FRMD4A: variants seen among roughly 807,000 people sequenced by gnomAD.
The protein encoded by FRMD4A is FERM domain containing 4A, also known as FERM domain-containing protein 4A.
FRMD4A carries 29 observed loss-of-function variants against 129.1 expected under a neutral mutation model. The ratio of observed to expected loss-of-function variants is 0.22; its 90% CI spans 0.17 to 0.31. FRMD4A has a LOEUF of 0.31. Ranked by LOEUF, FRMD4A falls within the 10% of genes least tolerant of loss-of-function variation. The probability of loss-of-function intolerance (pLI) is 1.00; values close to 1 mark genes in which losing one functional copy is unlikely to be tolerated. For synonymous variants in FRMD4A, 634 were observed against 571.6 expected (o/e 1.11, Z -1.56); for missense variants, 1,272 against 1,375.8 (o/e 0.92, Z 1.19).
At chr10:13,918,496 C>G (rs1191668798) in intron 2 of FRMD4A, among the ~76,000 whole-genome samples, 3 of 152,094 alleles carry the variant, frequency 2.0e-5, no homozygotes, top group Middle Eastern at 3.2e-3. Flanking sequence ...AAGCTCTAGG[C>G]TCTGCTACAT....
At chr10:14,024,027 G>A (rs994522783) in intron 2 of FRMD4A, among the ~76,000 whole-genome samples, 1 of 152,170 alleles carries the variant, frequency 6.6e-6, no homozygotes, top group Non-Finnish European at 1.5e-5. Flanking sequence ...GGTTCATTCA[G>A]GGAATAGCTA....
At chr10:13,891,335 A>G (rs1013032826) in intron 2 of FRMD4A, among the ~76,000 whole-genome samples, 1 of 152,156 alleles carries the variant, frequency 6.6e-6, no homozygotes, top group Non-Finnish European at 1.5e-5. Context: ...GCCTAAAGCC[A>G]TGTCCTTTCC....
At chr10:14,030,810 C>T (rs1833202337) in intron 2 of FRMD4A, among the ~76,000 whole-genome samples, 1 of 151,410 alleles carries the variant, frequency 6.6e-6, no homozygotes, top group African/African-American at 2.4e-5. Context: ...CACAACCAAC[C>T]TTGTCTTTCC....
chr10:14,326,814 T>C (rs1487339005), intron 2 of FRMD4A: 1 of 398,514 alleles, frequency 2.5e-6, no homozygotes, highest in Non-Finnish European at 4.4e-6. Context: ...GTCACATCAA[T>C]CTGAAGCCTC....
chr10:14,185,372 C>A (rs1842056069), intron 2 of FRMD4A, among the ~76,000 whole-genome samples: 1 of 152,016 alleles, frequency 6.6e-6, no homozygotes, highest in Admixed American at 6.6e-5. Context: ...GTGTCTAAAC[C>A]CTAAAATCTG....
intron 2 of FRMD4A, chr10:13,971,786 A>C (rs1340941281): frequency 2.3e-6 from 3 of 1,304,334 alleles, no homozygotes; most frequent in East Asian, 1.1e-4. Flanking sequence ...AGAGCCAAGC[A>C]GCCCAGCAGC....
intron 2 of FRMD4A, among the ~76,000 whole-genome samples, chr10:14,315,214 C>T (rs181770652): frequency 6.6e-6 from 1 of 152,172 alleles, no homozygotes; most frequent in Admixed American, 6.5e-5. Flanking sequence ...CTAACCATCA[C>T]CCGAATATTG....
intron 2 of FRMD4A, among the ~76,000 whole-genome samples, chr10:14,310,616 G>A (rs958287492): frequency 1.1e-4 from 16 of 152,098 alleles, no homozygotes; most frequent in Non-Finnish European, 2.1e-4. Context: ...ACAGGCACAG[G>A]GCCGGCCAGG....
intron 2 of FRMD4A, among the ~76,000 whole-genome samples, chr10:14,092,161 C>T (rs1836696707): frequency 6.8e-6 from 1 of 147,770 alleles, no homozygotes; most frequent in Non-Finnish European, 1.5e-5. Context: ...CACTCCGAGT[C>T]AGGCAGGTTT....
chr10:13,855,745 A>G (rs1429557882), intron 3 of FRMD4A, among the ~76,000 whole-genome samples: 3 of 152,200 alleles, frequency 2.0e-5, no homozygotes, highest in Admixed American at 6.5e-5. Flanking sequence ...TTTAGGTCAA[A>G]TGTTTTATTA....
chr10:13,681,592 T>A (rs904282898), intron 15 of FRMD4A, among the ~76,000 whole-genome samples: 2 of 152,106 alleles, frequency 1.3e-5, no homozygotes, highest in Non-Finnish European at 1.5e-5. Context: ...ATATATATAT[T>A]TTTGTAAAGT....
chr10:14,329,540 G>C (rs754086506), intron 2 of FRMD4A, among the ~76,000 whole-genome samples: 8 of 152,148 alleles, frequency 5.3e-5, no homozygotes, highest in Non-Finnish European at 1.5e-5. Flanking sequence ...GAAACAAGCT[G>C]CTCCCAACTC....
At position 13,643,977 on chromosome 10, in the gene FRMD4A, A is replaced by G. The variant is rs550533332; in HGVS notation, c.*3061T>C. 6.6e-6 allele frequency: 1 copy of G among 152,640 alleles called. No individual in the cohort carries two copies. The allele number at this position is 152,640 out of a possible 1,614,324, so 9.5% of individuals were successfully genotyped here. ...CTAGAGTCCATTTTACACAACTTGT[A>G]ATAAACTATTGACATTAATGTATAT... is the stretch of plus-strand genomic sequence containing the variant. On this transcript the variant is annotated 3_prime_UTR_variant, in exon 25 of 25. Transcript: ENST00000357447.
At chr10:13,809,013 T>C (rs890085399) in intron 4 of FRMD4A, among the ~76,000 whole-genome samples, 1 of 152,198 alleles carries the variant, frequency 6.6e-6, no homozygotes, top group Non-Finnish European at 1.5e-5. Flanking sequence ...ACGCACATGC[T>C]TTCCTGGTCA....
At chr10:14,272,841 T>C (rs554059700) in intron 2 of FRMD4A, among the ~76,000 whole-genome samples, 10 of 152,298 alleles carry the variant, frequency 6.6e-5, no homozygotes, top group Admixed American at 3.3e-4. Context: ...GTGTTTGAGG[T>C]TAGTATTTGA....
intron 15 of FRMD4A, 178 bp downstream of exon 15, chr10:13,693,720 C>A: frequency 5.7e-6 from 4 of 704,506 alleles, no homozygotes; most frequent in East Asian, 3.0e-5. Flanking sequence ...CTATTTGATT[C>A]CTGGGAGCAG....
intron 2 of FRMD4A, chr10:13,891,798 T>TCGG: frequency 1.1e-6 from 1 of 911,498 alleles, no homozygotes; most frequent in Non-Finnish European, 1.3e-6. Flanking sequence ...CCGCGGGCCC[T>TCGG]CGGCGTCAGC....
At chr10:13,835,582 A>G (rs1187604613) in intron 3 of FRMD4A, among the ~76,000 whole-genome samples, 1 of 152,054 alleles carries the variant, frequency 6.6e-6, no homozygotes, top group Non-Finnish European at 1.5e-5. Flanking sequence ...TACTCATAGG[A>G]GTATGAACCC....
chr10:14,108,772 AT>A (rs1362369294), intron 2 of FRMD4A, among the ~76,000 whole-genome samples: 3 of 152,222 alleles, frequency 2.0e-5, no homozygotes, highest in African/African-American at 7.2e-5. Context: ...AATAGAATGA[AT>A]TCCTGAAGGG....
Sources: gnomAD v4.1 joint callset for allele counts (sites outside exome capture counted in the v4.1 genomes callset) on GRCh38, gnomAD v4.1.1 for gene constraint, MANE v1.5 for transcripts, NCBI Gene and HGNC (gene_info 2026-07-23, HGNC 2026-07-21) for gene names.